TNRC18: variants seen among roughly 807,000 people sequenced by gnomAD.
TNRC18 encodes the protein trinucleotide repeat-containing gene 18 protein.
A neutral mutation model predicts 226.7 loss-of-function variants in TNRC18; 69 were observed. That is an observed-to-expected ratio of 0.30 (90% CI 0.25 to 0.37). The LOEUF (loss-of-function observed/expected upper bound fraction) is 0.37. Ranked by LOEUF, TNRC18 falls within the 10% of genes least tolerant of loss-of-function variation. TNRC18 has a pLI of 1.00. For synonymous variants in TNRC18, 2,449 were observed against 1,927.6 expected, an observed-to-expected ratio of 1.27 and a Z score of -7.09; for missense variants, 4,754 against 4,256.6, an observed-to-expected ratio of 1.12 and a Z score of -3.25.
At position 5,388,145 on chromosome 7, in the gene TNRC18, C is replaced by G; in HGVS notation, c.1679G>C (p.Arg560Pro). The G allele has an allele frequency of 6.4e-7, 1 of 1,562,800 alleles. No individual in the cohort carries two copies. Among genetic ancestry groups the G allele is most frequent in the Non-Finnish European group, 8.7e-7 (1 of 1,155,560 alleles). ...AYLDPGAVLP[R>P]SAATCGRPVA... is the part of the protein sequence containing the mutation. The stretch of plus-strand genomic sequence containing the variant: ...CGGCCGGCCGCAGGTGGCCGCCGAG[C>G]GGGGCAGCACAGCCCCAGGGTCCAG... The change falls in exon 5 of 30, where the codon CGC becomes CCC. Residue 560 changes from arginine (R) to proline (P), a missense_variant. Transcript: ENST00000430969.
intron 5 of TNRC18, among the ~76,000 whole-genome samples, chr7:5,384,655 G>A (rs1454011373): frequency 1.3e-5 from 2 of 152,194 alleles, no homozygotes; most frequent in Non-Finnish European, 2.9e-5. Context: ...TCCTTCCAGA[G>A]AAAGGCTCAA....
chr7:5,385,787 A>G (rs1363201358), intron 5 of TNRC18, among the ~76,000 whole-genome samples: 3 of 151,668 alleles, frequency 2.0e-5, no homozygotes, highest in African/African-American at 7.2e-5. Flanking sequence ...CAGCCTGGCC[A>G]ACACAGTGAA....
intron 2 of TNRC18, among the ~76,000 whole-genome samples, chr7:5,406,381 G>C (rs1202273082): frequency 1.3e-5 from 2 of 152,182 alleles, no homozygotes; most frequent in African/African-American, 4.8e-5. Flanking sequence ...AGGACTGCTT[G>C]AACCCAAAAG....
intron 5 of TNRC18, among the ~76,000 whole-genome samples, chr7:5,382,107 A>G (rs1779437069): frequency 6.6e-6 from 1 of 152,220 alleles, no homozygotes; most frequent in Non-Finnish European, 1.5e-5. Context: ...CCCAGGAGGC[A>G]GATCCCAGCC....
In TNRC18 at chr7:5,376,932, G is replaced by A; in HGVS notation, c.2523C>T (p.Gly841=). The A allele has an allele frequency of 6.3e-7, 1 of 1,598,596 alleles. No homozygotes were observed. The highest frequency in any genetic ancestry group is 1.1e-5 in the South Asian group (1 of 88,388). The change falls in exon 8 of 30, where the codon GGC becomes GGT. Residue 841 remains glycine (G), a synonymous_variant. Coordinates refer to ENST00000430969, the MANE Select transcript of TNRC18 (RefSeq NM_001080495.3). ...CAAACTGGTAGGCTGACGGGAGGGA[G>A]CCCCCCAGGCCAGGTGGGAACGCAG... The part of the protein sequence containing the change: ...MAPAFPPGLG[G]SLPSAYQFVR...
intron 16 of TNRC18, among the ~76,000 whole-genome samples, chr7:5,356,661 T>G (rs1366920150): frequency 1.3e-5 from 2 of 151,862 alleles, no homozygotes; most frequent in African/African-American, 4.8e-5. Context: ...CAACCGCCAA[T>G]CACGGGCGCC....
chr7:5,374,155 C>G lies in TNRC18; in HGVS notation c.3129G>C (p.Pro1043=), dbSNP rs770832135. Residue 1043 remains proline (P), a synonymous_variant, in exon 10 of 30, where the codon CCG becomes CCC. Transcript: ENST00000430969. Reference sequence around the variant, plus strand: ...GAGCCTCCTCCTTGCGGGTGATACCCGGGGTGGGCGGTGGGGAGGCGGGCG... The same window carrying G: ...GAGCCTCCTCCTTGCGGGTGATACCGGGGGTGGGCGGTGGGGAGGCGGGCG... ...SPPPASPPPT[P]GITRKEEAPE... The G allele has an allele frequency of 5.6e-6, 5 of 888,498 alleles. No homozygotes were observed. The highest frequency in any genetic ancestry group is 4.6e-5 in the African/African-American group (1 of 21,668). 55.0% of individuals were successfully genotyped at this position (888,498 alleles called of 1,614,324 possible).
chr7:5,368,650 G>C (rs1793865551), intron 11 of TNRC18, among the ~76,000 whole-genome samples: 2 of 112,826 alleles, frequency 1.8e-5, no homozygotes, highest in Middle Eastern at 5.4e-3. Flanking sequence ...GGGTGACAGA[G>C]TGAGACTCTG....
chr7:5,368,310 T>TAAA (rs11459979), intron 11 of TNRC18, among the ~76,000 whole-genome samples: 1 of 141,180 alleles, frequency 7.1e-6, no homozygotes, highest in Non-Finnish European at 1.5e-5. Flanking sequence ...CTACTTTTTG[T>TAAA]AAAAAAAAAA....
At position 5,346,521 on chromosome 7, in the gene TNRC18, G is replaced by T. The variant is rs562621032; in HGVS notation, c.5471-711C>A. 1.9e-3 allele frequency among the ~76,000 whole-genome samples: 283 copies of T among 152,220 alleles called. 3 individuals carry two copies. Among genetic ancestry groups the T allele is most frequent in the African/African-American group, 6.2e-3 (257 of 41,516 alleles). ...CAAAAAAATAAAATAAAATAAAGTT[G>T]ACCCCAGCCGGGCACAGTGGCTCAC... On this transcript the variant is annotated intron_variant, in intron 17 of 29. Transcript: ENST00000430969.
At chr7:5,352,784 G>A (rs1791960972) in intron 16 of TNRC18, among the ~76,000 whole-genome samples, 1 of 152,248 alleles carries the variant, frequency 6.6e-6, no homozygotes, top group Non-Finnish European at 1.5e-5. Context: ...AGGGGAGCCT[G>A]CCAGGCAGGC....
At chr7:5,392,217 A>G (rs560774774) in intron 3 of TNRC18, among the ~76,000 whole-genome samples, 4 of 152,068 alleles carry the variant, frequency 2.6e-5, no homozygotes, top group Non-Finnish European at 5.9e-5. Context: ...TAATCCCAGC[A>G]TTTTGGGAGG....
At position 5,393,381 on chromosome 7, in the gene TNRC18, G is replaced by C. The variant is rs114227527; in HGVS notation, c.343+1059C>G. 9.0e-3 allele frequency among the ~76,000 whole-genome samples: 1,364 copies of C among 152,390 alleles called. 19 individuals carry two copies. Among genetic ancestry groups the C allele is most frequent in the African/African-American group, 0.031 (1,280 of 41,598 alleles). ...TGACCTCATCTGTACAATGGGCAAA[G>C]TACTGTAAGGACTGGATGGGGTCCT... On this transcript the variant is annotated intron_variant, in intron 3 of 29. Transcript: ENST00000430969.
At chr7:5,321,006 G>T in intron 22 of TNRC18, 67 bp downstream of exon 22, 1 of 1,166,510 alleles carries the variant, frequency 8.6e-7, no homozygotes, top group Non-Finnish European at 1.2e-6. Flanking sequence ...GCCAGGCACA[G>T]AGGCGGCCGG....
chr7:5,335,973 A>T (rs148302743), intron 18 of TNRC18, among the ~76,000 whole-genome samples: 1 of 152,074 alleles, frequency 6.6e-6, no homozygotes, highest in East Asian at 1.9e-4. Context: ...TTGGGAGGCC[A>T]AGGCGGGCAG....
chr7:5,359,316 G>T, intron 15 of TNRC18, 82 bp downstream of exon 15: 3 of 1,444,130 alleles, frequency 2.1e-6, no homozygotes, highest in Admixed American at 1.8e-5. Flanking sequence ...CAAAGGGCCT[G>T]CGAAGGGAGC....
In TNRC18 at chr7:5,370,835, T is replaced by C. The variant is rs746332991; in HGVS notation, c.3759A>G (p.Thr1253=). The C allele has an allele frequency of 6.2e-7, 1 of 1,609,202 alleles. No homozygotes were observed. Among genetic ancestry groups the C allele is most frequent in the Non-Finnish European group, 8.5e-7 (1 of 1,179,560 alleles). ...CCGGCTCCTCCTTGGCCTCCACCAG[T>C]GTCTCGGGTGTCAGCTGCACCCCCA... ...LDLGVQLTPE[T]LVEAKEEPVE... The change falls in exon 11 of 30, where the codon ACA becomes ACG. Residue 1253 remains threonine (T), a synonymous_variant. Coordinates refer to ENST00000430969, the MANE Select transcript of TNRC18 (RefSeq NM_001080495.3).
chr7:5,352,284 T>C (rs1791911313), intron 16 of TNRC18, among the ~76,000 whole-genome samples, 190 bp from the exon 17 acceptor site: 1 of 152,200 alleles, frequency 6.6e-6, no homozygotes, highest in African/African-American at 2.4e-5. Context: ...GGCTTCTCCC[T>C]TGCCCTGGGT....
intron 2 of TNRC18, among the ~76,000 whole-genome samples, chr7:5,401,422 T>TGA (rs1781084067): frequency 6.6e-6 from 1 of 152,180 alleles, no homozygotes; most frequent in South Asian, 2.1e-4. Context: ...GTCTATACCC[T>TGA]AACTCCTTCA....
Sources: allele counts gnomAD v4.1 joint callset (sites outside exome capture counted in the v4.1 genomes callset), GRCh38; gene constraint gnomAD v4.1.1; transcripts MANE v1.5; gene names NCBI Gene and HGNC (gene_info 2026-07-23, HGNC 2026-07-21).